DPP9: variants seen among roughly 807,000 people sequenced by gnomAD.
DPP9 encodes dipeptidyl peptidase 9, also known as dipeptidyl peptidase IV-related protein-2.
A neutral mutation model predicts 110.7 loss-of-function variants in DPP9; 50 were observed. The ratio of observed to expected loss-of-function variants is 0.45; its 90% CI spans 0.36 to 0.57. DPP9 has a LOEUF of 0.57. Among genes scored for constraint, DPP9 ranks in the 20% least tolerant of loss-of-function variants. The pLI is 0.00. For synonymous variants in DPP9, 561 were observed against 514.4 expected (o/e 1.09, Z -1.23); for missense variants, 1,022 against 1,217.9 (o/e 0.84, Z 2.39).
chr19:4,679,506 G>A (rs1291782747), intron 21 of DPP9: 1 of 340,614 alleles, frequency 2.9e-6, no homozygotes, highest in East Asian at 6.8e-5. Flanking sequence ...CAATTTCTCA[G>A]TTTCAAATAA....
chr19:4,702,271 C>T, intron 8 of DPP9, 116 bp from the exon 9 acceptor site: 1 of 1,358,320 alleles, frequency 7.4e-7, no homozygotes, highest in Non-Finnish European at 9.9e-7. Flanking sequence ...GGCTCTGAAA[C>T]CAGAACCCCG....
rs2091661547 is a variant in DPP9 at position 4,694,944 on chromosome 19, T to C, written c.1354-121A>G. ...AGGAGACTTGCTTGAGCCCAGGAAT[T>C]TCAGAGACCAGCCTGGACAACATAG... On this transcript the variant is annotated intron_variant, in intron 12 of 21. Transcript: ENST00000262960. The surrounding 1 kb of genome is among the most constrained non-coding windows in gnomAD (Gnocchi z 4.0). The C allele has an allele frequency of 1.1e-6, 1 of 921,492 alleles. No individual in the cohort carries two copies. Among genetic ancestry groups the C allele is most frequent in the East Asian group, 2.6e-5 (1 of 38,354 alleles). The allele number at this position is 921,492 out of a possible 1,614,324, so 57.1% of individuals were successfully genotyped here.
chr19:4,684,144 G>A lies in DPP9; in HGVS notation c.2179-515C>T, dbSNP rs1482749017. ...GGGCCCACTCATGTGAATGGGATGA[G>A]GGGCCCTTATAAAAGGGCCTGATGG... is the stretch of plus-strand genomic sequence containing the variant. On this transcript the variant is annotated intron_variant, in intron 18 of 21. Transcript: ENST00000262960. This position sits in a 1 kb window ranked among gnomAD's most constrained non-coding sequence, Gnocchi z 4.8. 3.5e-6 allele frequency: 1 copy of A among 288,188 alleles called. No homozygotes were observed. The highest frequency in any genetic ancestry group is 6.8e-6 in the Non-Finnish European group (1 of 145,986). 17.9% of individuals were successfully genotyped at this position (288,188 alleles called of 1,614,324 possible).
chr19:4,701,626 A>G (rs1222653051), intron 9 of DPP9, among the ~76,000 whole-genome samples: 2 of 152,270 alleles, frequency 1.3e-5, no homozygotes, highest in Admixed American at 6.5e-5. Context: ...TATGAAAATC[A>G]TATGTATCTC....
chr19:4,716,623 T>C (rs1340017236), intron 3 of DPP9, among the ~76,000 whole-genome samples: 2 of 148,626 alleles, frequency 1.3e-5, no homozygotes, highest in African/African-American at 2.5e-5. Context: ...GGCGACAGAG[T>C]GAGACTCTGT....
At chr19:4,711,922 C>T (rs1462007764) in intron 4 of DPP9, among the ~76,000 whole-genome samples, 2 of 152,080 alleles carry the variant, frequency 1.3e-5, no homozygotes, top group Non-Finnish European at 2.9e-5. Context: ...CCACCAGAAG[C>T]TGCAAGAGGC....
intron 21 of DPP9, among the ~76,000 whole-genome samples, chr19:4,677,067 A>G (rs2145224733): frequency 6.6e-6 from 1 of 152,178 alleles, no homozygotes; most frequent in East Asian, 1.9e-4. Flanking sequence ...CACTTTACCA[A>G]AAGGCATGTG....
Position 4,704,383 on chromosome 19 carries a change from C to A in DPP9, c.427-79G>T. 6.6e-7 allele frequency: 1 copy of A among 1,504,170 alleles called. No individual in the cohort carries two copies. The highest frequency in any genetic ancestry group is 1.2e-5 in the South Asian group (1 of 84,448). 93.2% of individuals were successfully genotyped at this position (1,504,170 alleles called of 1,614,324 possible). ...GCTGGCCAGGGCAGAGATCCTCGGG[C>A]TGGGGCATTCCCAGGGAATCTGACT... On this transcript the variant is annotated intron_variant, in intron 5 of 21. Transcript: ENST00000262960. The surrounding 1 kb of genome is among the most constrained non-coding windows in gnomAD (Gnocchi z 6.0).
rs1004189459 is a variant in DPP9, at chr19:4,677,867, G to T, written c.2587-1211C>A. Among the ~76,000 whole-genome samples the T allele has an allele frequency of 2.0e-5, 3 of 152,192 alleles. No individual in the cohort carries two copies. In the East Asian group the frequency reaches 5.8e-4, roughly 29 times the overall value. On this transcript the variant is annotated intron_variant, in intron 21 of 21. Transcript: ENST00000262960. ...GCTCCCCAATGAGCTTCCAGACCAA[G>T]CCCAAGGCCCGGCATGTGACAAATG...
At chr19:4,708,077 T>G (rs1469415734) in intron 4 of DPP9, among the ~76,000 whole-genome samples, 1 of 152,188 alleles carries the variant, frequency 6.6e-6, no homozygotes, top group Non-Finnish European at 1.5e-5. Flanking sequence ...GTGTCCTGAC[T>G]GAAAATCACA....
chr19:4,699,751 G>A (rs900445229), intron 10 of DPP9, among the ~76,000 whole-genome samples: 2 of 152,154 alleles, frequency 1.3e-5, no homozygotes, highest in Non-Finnish European at 2.9e-5. Context: ...AGTAGCTGAC[G>A]GGTCCGGTGA....
chr19:4,692,439 G>C (rs1426957460), intron 13 of DPP9, among the ~76,000 whole-genome samples: 1 of 152,166 alleles, frequency 6.6e-6, no homozygotes, highest in Non-Finnish European at 1.5e-5. Context: ...CTGGGGAGGA[G>C]AGCGGTTCCC....
At chr19:4,706,677 G>C (rs926355825) in intron 4 of DPP9, among the ~76,000 whole-genome samples, 1 of 152,172 alleles carries the variant, frequency 6.6e-6, no homozygotes, top group African/African-American at 2.4e-5. Context: ...TTAGCCGGGC[G>C]TGGTGGCACG....
chr19:4,675,482 G>T lies in DPP9; in HGVS notation c.*1082C>A, dbSNP rs1288986903. On this transcript the variant is annotated 3_prime_UTR_variant, in exon 22 of 22. Transcript: ENST00000262960. ...AACCCCGGAACCCCTGGTGTGTACG[G>T]GTCAGGCAGACACATGTGGCTGGGC... 6.6e-6 allele frequency: 1 copy of T among 152,128 alleles called. No individual in the cohort carries two copies. The highest frequency in any genetic ancestry group is 2.4e-5 in the African/African-American group (1 of 41,398). 9.4% of individuals were successfully genotyped at this position (152,128 alleles called of 1,614,324 possible). A position where few individuals can be genotyped will look rare whatever the true frequency, so the allele number is the denominator to read the frequency against.
At chr19:4,678,216 G>A (rs959303489) in intron 21 of DPP9, among the ~76,000 whole-genome samples, 4 of 151,956 alleles carry the variant, frequency 2.6e-5, no homozygotes, top group Admixed American at 6.6e-5. Context: ...AGGTTCAAGC[G>A]ATTCTCCTGC....
Position 4,689,840 on chromosome 19 carries a change from C to T in DPP9, c.1597-118G>A, listed in dbSNP as rs1049215326. The T allele has an allele frequency of 7.8e-6, 9 of 1,150,784 alleles. No individual in the cohort carries two copies. Among genetic ancestry groups the T allele is most frequent in the South Asian group, 1.7e-5 (1 of 59,396 alleles). 71.3% of individuals were successfully genotyped at this position (1,150,784 alleles called of 1,614,324 possible). On this transcript the variant is annotated intron_variant, in intron 14 of 21. Transcript: ENST00000262960. The surrounding 1 kb of genome is among the most constrained non-coding windows in gnomAD (Gnocchi z 7.0). ...TCGGACTGGGGACGCATGCTGTCCT[C>T]GCCCAAGTCTGGCTTTAGGGCTGGA...
chr19:4,694,740 G>A lies in DPP9; in HGVS notation c.1437C>T (p.Gly479=). The A allele has an allele frequency of 6.2e-7, 1 of 1,613,880 alleles. No individual in the cohort carries two copies. The highest frequency in any genetic ancestry group is 1.1e-5 in the South Asian group (1 of 91,056). The change falls in exon 13 of 22, where the codon GGC becomes GGT. Residue 479 remains glycine, a synonymous_variant. Transcript: ENST00000262960. This position sits in a 1 kb window ranked among gnomAD's most constrained non-coding sequence, Gnocchi z 4.0. The part of the protein sequence containing the change: ...CFLRANECKT[G]FCHLYKVTAV... ...CGGTGACTTTGTACAAATGGCAGAA[G>A]CCGGTCTTGCATTCATTGGCGCGGA...
chr19:4,699,232 G>C (rs920376963), intron 10 of DPP9, among the ~76,000 whole-genome samples: 5 of 149,502 alleles, frequency 3.3e-5, no homozygotes, highest in African/African-American at 1.2e-4. Context: ...TGTCATTTTT[G>C]CAAGAGCACA....
In DPP9 at chr19:4,697,607, C is replaced by T. The variant is rs188324856; in HGVS notation, c.1119G>A (p.Ser373=). 218 of 1,613,906 alleles carry T rather than the reference C, an allele frequency of 1.4e-4. 1 individual carries two copies. In the East Asian group the frequency reaches 2.1e-3, roughly 16 times the overall value. Residue 373 remains serine (S), a synonymous_variant, in exon 11 of 22, where the codon TCG becomes TCA. Transcript: ENST00000262960. ...QEKELVQPFS[S]LFPKVEYIAR... is the part of the protein sequence containing the mutation. ...CGATGTACTCCACCTTCGGGAACAG[C>T]GAGCTGAAGGGCTGCACCAGCTCCT... is the stretch of plus-strand genomic sequence containing the variant.
Sources: allele counts gnomAD v4.1 joint callset (sites outside exome capture counted in the v4.1 genomes callset), GRCh38; gene constraint gnomAD v4.1.1; non-coding constraint Gnocchi (gnomAD v3.1); transcripts MANE v1.5; gene names NCBI Gene and HGNC (gene_info 2026-07-23, HGNC 2026-07-21).